The following EYA1 variants were observed in gnomAD, a reference collection of about 807,000 sequenced individuals.
EYA1 encodes the protein protein phosphatase EYA1.
A neutral mutation model predicts 82.0 loss-of-function variants in EYA1; 16 were observed. The observed-to-expected ratio is 0.20, with a 90% CI of 0.13 to 0.30. The LOEUF is 0.30. EYA1 is among the 10% of genes least tolerant of loss of function. The pLI, the probability that EYA1 is intolerant of heterozygous loss-of-function variation, is 1.00. For missense variants in EYA1, 633 were observed against 730.7 expected (o/e 0.87, Z 1.54); for synonymous variants, 261 against 264.4 (o/e 0.99, Z 0.12).
chr8:71,338,973 A>C (rs1235026146), intron 3 of EYA1, among the ~76,000 whole-genome samples: 1 of 152,186 alleles, frequency 6.6e-6, no homozygotes, highest in African/African-American at 2.4e-5. Flanking sequence ...TCAAAAACTC[A>C]GTTTACCATC....
intron 2 of EYA1, among the ~76,000 whole-genome samples, chr8:71,447,251 A>G (rs1806966703): frequency 1.3e-5 from 2 of 152,048 alleles, no homozygotes; most frequent in Admixed American, 1.3e-4. Context: ...ATCTTGCCTT[A>G]GACTTCTACT....
chr8:71,232,315 G>C (rs1036571378), intron 12 of EYA1, among the ~76,000 whole-genome samples: 12 of 152,204 alleles, frequency 7.9e-5, no homozygotes, highest in African/African-American at 2.9e-4. Flanking sequence ...GCCTGAGAAG[G>C]GGAGGCTCTG....
Position 71,271,810 on chromosome 8 carries a change from C to T in EYA1, c.914G>A (p.Gly305Glu). The change falls in exon 10 of 18, where the codon GGA (glycine) becomes GAA (glutamate). Residue 305 changes from glycine to glutamate, a missense_variant. Coordinates refer to ENST00000340726, the MANE Select transcript of EYA1 (RefSeq NM_000503.6). ...AGGATTATTGTTTCTTCGGCCCCGT[C>T]CACGTGATTTCCCATCTGAACCTCG... The part of the protein sequence containing the change: ...LRRGSDGKSR[G>E]RGRRNNNPSP... 1.9e-6 allele frequency: 3 copies of T among 1,614,176 alleles called. No homozygotes were observed. Among genetic ancestry groups the T allele is most frequent in the Non-Finnish European group, 2.5e-6 (3 of 1,180,030 alleles).
intron 2 of EYA1, among the ~76,000 whole-genome samples, chr8:71,386,808 T>C (rs1460828934): frequency 1.3e-5 from 2 of 152,208 alleles, no homozygotes; most frequent in Non-Finnish European, 2.9e-5. Flanking sequence ...AAGTCAAGGA[T>C]GATGAATTTA....
intron 7 of EYA1, among the ~76,000 whole-genome samples, chr8:71,307,312 T>C (rs1820836304): frequency 6.6e-6 from 1 of 152,188 alleles, no homozygotes; most frequent in Admixed American, 6.5e-5. Context: ...CTGGGATTTT[T>C]TTATTTTTTA....
At chr8:71,542,850 A>G (rs987002562) in intron 1 of EYA1, among the ~76,000 whole-genome samples, 2 of 152,096 alleles carry the variant, frequency 1.3e-5, no homozygotes. Flanking sequence ...TTTTGGCTAC[A>G]TGTATGTCTT....
intron 3 of EYA1, among the ~76,000 whole-genome samples, chr8:71,340,312 A>C (rs1824975315): frequency 6.6e-6 from 1 of 152,232 alleles, no homozygotes; most frequent in East Asian, 1.9e-4. Flanking sequence ...CATGACAAAT[A>C]GTAATTTGCA....
upstream of EYA1, chr8:71,362,117 G>T (rs1827447873): frequency 2.0e-6 from 2 of 976,704 alleles, no homozygotes; most frequent in Non-Finnish European, 2.4e-6. Flanking sequence ...ATTTGTTTGC[G>T]CAGCCTTGTA....
intron 3 of EYA1, among the ~76,000 whole-genome samples, chr8:71,352,923 G>A (rs1268642586): frequency 6.6e-6 from 1 of 152,150 alleles, no homozygotes. Context: ...TATTTTGTAG[G>A]AGACAACTTG....
intron 11 of EYA1, among the ~76,000 whole-genome samples, chr8:71,268,187 G>A (rs889975197): frequency 3.3e-5 from 5 of 151,818 alleles, no homozygotes; most frequent in African/African-American, 1.2e-4. Context: ...TCTCTTTTGC[G>A]TCAATTTGGC....
At chr8:71,282,941 T>G (rs1012435072) in intron 9 of EYA1, among the ~76,000 whole-genome samples, 3 of 147,758 alleles carry the variant, frequency 2.0e-5, no homozygotes, top group South Asian at 2.1e-4. Context: ...CCACCTTGTT[T>G]TTTTTTTTTT....
At chr8:71,258,339 ACT>A (rs1472879441) in intron 11 of EYA1, among the ~76,000 whole-genome samples, 2 of 152,328 alleles carry the variant, frequency 1.3e-5, no homozygotes, top group African/African-American at 2.4e-5. Context: ...TGTTCTGGGT[ACT>A]GGAGTCCATA....
intron 9 of EYA1, among the ~76,000 whole-genome samples, chr8:71,272,882 C>T (rs1816714535): frequency 7.9e-6 from 1 of 127,320 alleles, no homozygotes; most frequent in Admixed American, 9.6e-5. Flanking sequence ...GATTATTTTC[C>T]CTACGATGTT....
At chr8:71,287,796 C>T (rs1276291787) in intron 9 of EYA1, among the ~76,000 whole-genome samples, 1 of 152,238 alleles carries the variant, frequency 6.6e-6, no homozygotes, top group East Asian at 1.9e-4. Context: ...CAGTGCCTGG[C>T]ATGCAGCAAG....
intron 7 of EYA1, among the ~76,000 whole-genome samples, chr8:71,312,428 GTTC>G (rs1821439068): frequency 1.3e-5 from 2 of 152,070 alleles, no homozygotes; most frequent in Admixed American, 6.6e-5. Context: ...GCATTTTCAG[GTTC>G]TTATTATTTA....
intron 2 of EYA1, among the ~76,000 whole-genome samples, chr8:71,443,662 A>G (rs771645530): frequency 1.3e-5 from 2 of 152,268 alleles, no homozygotes; most frequent in Middle Eastern, 3.4e-3. Flanking sequence ...TCACATTTCC[A>G]AGAGTAATTC....
In EYA1 at chr8:71,368,858, T is replaced by C. The variant is rs937575353; in HGVS notation, c.34-12347A>G. On this transcript the variant is annotated intron_variant, in intron 2 of 18. Coordinates refer to the EYA1 transcript ENST00000643681. ...CTATTATCAACCCACGAATGACTTA[T>C]ACGTGAAAAGGAAAAAAAATTAGAC... is the stretch of plus-strand genomic sequence containing the variant. Among the ~76,000 whole-genome samples the C allele has an allele frequency of 3.3e-5, 5 of 151,940 alleles. No individual in the cohort carries two copies. The East Asian group carries it at 5.8e-4, about 18-fold the overall frequency.
At chr8:71,526,117 C>T (rs987436313) in intron 2 of EYA1, among the ~76,000 whole-genome samples, 2 of 151,870 alleles carry the variant, frequency 1.3e-5, no homozygotes, top group African/African-American at 4.8e-5. Context: ...TTCAGAGGAG[C>T]AGATAAAGAT....
chr8:71,282,051 T>A (rs1444238780), intron 9 of EYA1, among the ~76,000 whole-genome samples: 4 of 152,118 alleles, frequency 2.6e-5, no homozygotes, highest in Non-Finnish European at 5.9e-5. Context: ...TGGCTTCCCA[T>A]TCACTGAGAA....
Sources: allele counts gnomAD v4.1 joint callset (sites outside exome capture counted in the v4.1 genomes callset), GRCh38; gene constraint gnomAD v4.1.1; transcripts MANE v1.5; gene names NCBI Gene and HGNC (gene_info 2026-07-23, HGNC 2026-07-21).